DDX31: variants seen among roughly 807,000 people sequenced by gnomAD.
DDX31 encodes the protein DEAD-box helicase 31, also known as ATP-dependent DNA helicase DDX31.
In DDX31, 70 loss-of-function variants were observed where a neutral mutation model predicts 91.3. The ratio of observed to expected loss-of-function variants is 0.77; its 90% CI spans 0.63 to 0.94. The LOEUF (loss-of-function observed/expected upper bound fraction) is 0.94. Among genes scored for constraint, DDX31 ranks in the 40% least tolerant of loss-of-function variants. The pLI, the probability that DDX31 is intolerant of heterozygous loss-of-function variation, is 0.00. For synonymous variants in DDX31, 362 were observed against 350.6 expected (o/e 1.03, Z -0.36); for missense variants, 902 against 925.0 (o/e 0.98, Z 0.32).
intron 14 of DDX31, among the ~76,000 whole-genome samples, chr9:132,641,451 T>G (rs150363253): frequency 2.6e-5 from 4 of 152,184 alleles, no homozygotes; most frequent in Admixed American, 2.0e-4. Flanking sequence ...CACTGAAGGT[T>G]TGAGTTTTTA....
rs373372648 is a variant in DDX31, at chr9:132,651,470, A to C, written c.634-354T>G. On this transcript the variant is annotated intron_variant, in intron 7 of 19. Coordinates refer to ENST00000372159, the MANE Select transcript of DDX31 (RefSeq NM_022779.9). ...GTAACCTGAATTTGACTCTCCTTAG[A>C]AAGAGAAAGAATATAATATGTACGC... Among the ~76,000 whole-genome samples the C allele has an allele frequency of 5.1e-4, 78 of 152,304 alleles. 1 individual carries two copies. The highest frequency in any genetic ancestry group is 1.8e-3 in the African/African-American group (74 of 41,574).
At chr9:132,599,170 TACTC>T (rs1176904030) in intron 19 of DDX31, among the ~76,000 whole-genome samples, 17 of 152,234 alleles carry the variant, frequency 1.1e-4, no homozygotes, top group African/African-American at 3.9e-4. Flanking sequence ...GCATTTAACT[TACTC>T]ACTTTTCCAA....
chr9:132,660,927 T>G, intron 4 of DDX31: 2 of 420,038 alleles, frequency 4.8e-6, no homozygotes, highest in Non-Finnish European at 8.4e-6. Flanking sequence ...CAAATTCTTT[T>G]CAGGGAAGCA....
chr9:132,598,049 C>T (rs533877558), intron 19 of DDX31, among the ~76,000 whole-genome samples: 13 of 152,232 alleles, frequency 8.5e-5, no homozygotes, highest in South Asian at 6.2e-4. Flanking sequence ...TCAGAGGTTC[C>T]GGTGGTCAGC....
chr9:132,656,927 C>T (rs1033799508), intron 6 of DDX31, among the ~76,000 whole-genome samples: 3 of 152,146 alleles, frequency 2.0e-5, no homozygotes, highest in Admixed American at 1.3e-4. Flanking sequence ...AATTCTCTCA[C>T]CGTAAAGCAC....
rs377594340 is a variant in DDX31, at chr9:132,604,729, G to T, written c.1994+7358C>A. Among the ~76,000 whole-genome samples, 19 of 152,306 alleles carry T rather than the reference G, an allele frequency of 1.2e-4. 1 individual carries two copies. In the South Asian group the frequency reaches 1.5e-3, roughly 12 times the overall value. Reference sequence around the variant, plus strand: ...CCAGCAGACTTCCAGAGCACATTCTGTTTCCCCATATACTGCCACATCTGT... The same window carrying T: ...CCAGCAGACTTCCAGAGCACATTCTTTTTCCCCATATACTGCCACATCTGT... On this transcript the variant is annotated intron_variant, in intron 19 of 19. Coordinates refer to ENST00000372159, the MANE Select transcript of DDX31 (RefSeq NM_022779.9).
intron 14 of DDX31, among the ~76,000 whole-genome samples, chr9:132,636,902 G>C (rs1189279003): frequency 1.3e-5 from 2 of 152,082 alleles, no homozygotes; most frequent in Non-Finnish European, 2.9e-5. Flanking sequence ...GGCAAGCTGA[G>C]CCTCAGCTGC....
intron 18 of DDX31, among the ~76,000 whole-genome samples, chr9:132,613,746 C>T (rs139601159): frequency 4.1e-4 from 63 of 152,244 alleles, no homozygotes; most frequent in African/African-American, 1.4e-3. Flanking sequence ...TGTTGTAGGT[C>T]CCTCCTCCCT....
At position 132,620,825 on chromosome 9, in the gene DDX31, G is replaced by A. The variant is rs2119394766; in HGVS notation, c.1714-2384C>T. 2.1e-5 allele frequency among the ~76,000 whole-genome samples: 3 copies of A among 143,846 alleles called. No homozygotes were observed. The Admixed American group carries it at 2.1e-4, about 10-fold the overall frequency. The allele number at this position is 143,846 out of a possible 152,430, so 94.4% of individuals were successfully genotyped here. On this transcript the variant is annotated intron_variant, in intron 17 of 19. Coordinates refer to ENST00000372159, the MANE Select transcript of DDX31 (RefSeq NM_022779.9). ...CTGAGGGCACATGGATACCTGGCAG[G>A]GCTGGCTCTCCCACCCTCCAAGACA... is the stretch of plus-strand genomic sequence containing the variant.
intron 3 of DDX31, 105 bp downstream of exon 3, chr9:132,662,152 GAAAC>G (rs1237243888): frequency 3.6e-5 from 40 of 1,110,312 alleles, no homozygotes; most frequent in African/African-American, 4.7e-5. Flanking sequence ...ACTTAGAGCA[GAAAC>G]AAACACTCTC....
Position 132,612,087 on chromosome 9 carries a change from C to A in DDX31, c.1994G>T (p.Arg665Met), listed in dbSNP as rs759967386. The change falls in exon 19 of 20, where the codon AGG becomes ATG. Residue 665 changes from arginine to methionine, a missense_variant and splice_region_variant. Physicochemically the swap from Arg to Met is moderately conservative, Grantham distance 91. Transcript: ENST00000372159. ...ACGGGACGAATTCAGCTCATCTTAC[C>A]TTTTCACGTGTGCTTTCCTCTTCTT... is the stretch of plus-strand genomic sequence containing the variant. ...TRKKRKAHVK[R>M]PDLHKKTQSK... 6.2e-7 allele frequency: 1 copy of A among 1,613,006 alleles called. No homozygotes were observed. The highest frequency in any genetic ancestry group is 8.5e-7 in the Non-Finnish European group (1 of 1,179,036).
intron 17 of DDX31, among the ~76,000 whole-genome samples, chr9:132,625,338 C>T (rs541048337): frequency 6.6e-6 from 1 of 152,066 alleles, no homozygotes; most frequent in South Asian, 2.1e-4. Flanking sequence ...TGCTGAGAAT[C>T]TGGACAGGGA....
intron 19 of DDX31, among the ~76,000 whole-genome samples, chr9:132,609,863 A>C (rs905103120): frequency 6.6e-6 from 1 of 151,572 alleles, no homozygotes; most frequent in Non-Finnish European, 1.5e-5. Context: ...CTTGTGATCC[A>C]CCCGCCTCGG....
In DDX31 at chr9:132,612,063, C is replaced by T. The variant is rs779028067; in HGVS notation, c.1994+24G>A. The T allele has an allele frequency of 2.4e-5, 38 of 1,606,248 alleles. No homozygotes were observed. In the African/African-American group the frequency reaches 3.5e-4, roughly 15 times the overall value. ...TGAACGGAGCTCTCTAGCCCCGTCA[C>T]GGGACGAATTCAGCTCATCTTACCT... On this transcript the variant is annotated intron_variant, in intron 19 of 19. Coordinates refer to ENST00000372159, the MANE Select transcript of DDX31 (RefSeq NM_022779.9).
intron 18 of DDX31, among the ~76,000 whole-genome samples, chr9:132,615,226 C>A (rs531830578): frequency 5.9e-5 from 9 of 152,146 alleles, no homozygotes; most frequent in African/African-American, 2.2e-4. Flanking sequence ...ACACATCGTC[C>A]TTTTTCATTC....
intron 6 of DDX31, among the ~76,000 whole-genome samples, chr9:132,654,376 T>C (rs1834414001): frequency 6.6e-6 from 1 of 152,168 alleles, no homozygotes; most frequent in Admixed American, 6.5e-5. Flanking sequence ...TTTGGGAGGC[T>C]GAGGTGGGTG....
chr9:132,597,317 G>A (rs532843378), intron 19 of DDX31, among the ~76,000 whole-genome samples: 11 of 152,292 alleles, frequency 7.2e-5, no homozygotes, highest in South Asian at 6.2e-4. Context: ...CAGGGCCTGC[G>A]GTTGGGCGCA....
intron 17 of DDX31, among the ~76,000 whole-genome samples, chr9:132,619,137 A>T (rs1369674554): frequency 6.6e-6 from 1 of 152,232 alleles, no homozygotes; most frequent in African/African-American, 2.4e-5. Flanking sequence ...TACAGATGGA[A>T]AATGTTAATA....
At chr9:132,635,581 G>A (rs1332836974) in intron 14 of DDX31, among the ~76,000 whole-genome samples, 3 of 150,166 alleles carry the variant, frequency 2.0e-5, no homozygotes, top group African/African-American at 4.9e-5. Flanking sequence ...AGGATTACAG[G>A]TGTGAGCCAC....
Sources: gnomAD v4.1 joint callset for allele counts (sites outside exome capture counted in the v4.1 genomes callset) on GRCh38, gnomAD v4.1.1 for gene constraint, MANE v1.5 for transcripts, NCBI Gene and HGNC (gene_info 2026-07-23, HGNC 2026-07-21) for gene names.